The following KCNMB2 variants were observed in gnomAD, a reference collection of about 807,000 sequenced individuals.
KCNMB2 encodes the protein potassium calcium-activated channel subfamily M regulatory beta subunit 2.
Under a neutral mutation model 24.5 loss-of-function variants are expected in KCNMB2, and 9 were observed. That is an observed-to-expected ratio of 0.37 (90% CI 0.22 to 0.64). The LOEUF is 0.64. Among genes scored for constraint, KCNMB2 ranks in the 30% least tolerant of loss-of-function variants. The pLI is 0.63. For synonymous variants in KCNMB2, 109 were observed against 104.4 expected, an observed-to-expected ratio of 1.04 and a Z score of -0.27; for missense variants, 226 against 284.3, an observed-to-expected ratio of 0.79 and a Z score of 1.47.
chr3:178,573,509 G>T lies in KCNMB2; in HGVS notation c.-68+36798G>T, dbSNP rs147715291. Among the ~76,000 whole-genome samples, 1,450 of 151,690 alleles carry T rather than the reference G, an allele frequency of 9.6e-3. 15 individuals carry two copies. Among genetic ancestry groups the T allele is most frequent in the African/African-American group, 0.033 (1,382 of 41,332 alleles). On this transcript the variant is annotated intron_variant, in intron 1 of 4. Coordinates refer to ENST00000452583, the MANE Select transcript of KCNMB2 (RefSeq NM_181361.3). ...AATCCCAGCAATTTGAGAAACCAAG[G>T]CAGGAGGATTGCTTGAGCTCAGGAG...
chr3:178,639,709 G>A (rs111340871), intron 1 of KCNMB2, among the ~76,000 whole-genome samples: 1 of 152,130 alleles, frequency 6.6e-6, no homozygotes, highest in South Asian at 2.1e-4. Context: ...TCCACTCTCT[G>A]TGAGTTATCA....
At chr3:178,691,897 A>G (rs1364845105) in intron 1 of KCNMB2, among the ~76,000 whole-genome samples, 1 of 151,890 alleles carries the variant, frequency 6.6e-6, no homozygotes, top group Non-Finnish European at 1.5e-5. Flanking sequence ...ATTTTTTTTC[A>G]CAACCTCACC....
At chr3:178,539,734 T>C (rs1715550766) in intron 1 of KCNMB2, among the ~76,000 whole-genome samples, 1 of 152,026 alleles carries the variant, frequency 6.6e-6, no homozygotes, top group South Asian at 2.1e-4. Flanking sequence ...AGAGAGTGTG[T>C]GTGTGCGTGT....
intron 1 of KCNMB2, among the ~76,000 whole-genome samples, chr3:178,598,140 A>G (rs1348532365): frequency 6.6e-6 from 1 of 152,076 alleles, no homozygotes; most frequent in African/African-American, 2.4e-5. Context: ...TCAGTCAGGT[A>G]CCTGACCATT....
intron 1 of KCNMB2, among the ~76,000 whole-genome samples, chr3:178,688,451 G>T (rs1356779701): frequency 6.6e-6 from 1 of 152,160 alleles, no homozygotes; most frequent in African/African-American, 2.4e-5. Context: ...GTATAATGAT[G>T]AATTTATAAT....
At chr3:178,758,125 TGTACACACAAGAGG>T (rs1724246303) in intron 1 of KCNMB2, among the ~76,000 whole-genome samples, 1 of 71,862 alleles carries the variant, frequency 1.4e-5, no homozygotes, top group East Asian at 4.5e-4. Context: ...GATATATATA[TGTACACACAAGAGG>T]ATATATATAT....
intron 1 of KCNMB2, among the ~76,000 whole-genome samples, chr3:178,769,787 G>T (rs893825876): frequency 6.6e-6 from 1 of 152,176 alleles, no homozygotes; most frequent in Non-Finnish European, 1.5e-5. Context: ...TACAATGATG[G>T]TCTAGTGTTA....
At chr3:178,800,846 TA>T (rs1231605241) in intron 1 of KCNMB2, among the ~76,000 whole-genome samples, 2 of 152,040 alleles carry the variant, frequency 1.3e-5, no homozygotes, top group African/African-American at 2.4e-5. Context: ...TATTCAGCCA[TA>T]AAAAAATAGA....
intron 1 of KCNMB2, among the ~76,000 whole-genome samples, chr3:178,616,244 G>A (rs780405043): frequency 1.3e-5 from 2 of 152,206 alleles, no homozygotes; most frequent in Non-Finnish European, 2.9e-5. Flanking sequence ...TAGGACTCAC[G>A]TAAGAGTTGC....
chr3:178,759,661 GGGATATATATATATATATCCAAGA>G lies in KCNMB2; in HGVS notation c.-67-47670_-67-47647del, dbSNP rs1560009418. ...GATATATATATATATATCTCCAAGA[GGGATATATATATATATATCCAAGA>G]GGATATATATACACATATATATATC... On this transcript the variant is annotated intron_variant, in intron 1 of 4. Coordinates refer to ENST00000452583, the MANE Select transcript of KCNMB2 (RefSeq NM_181361.3). Among the ~76,000 whole-genome samples the G allele has an allele frequency of 3.7e-4, 30 of 81,374 alleles. 2 individuals carry two copies. The highest frequency in any genetic ancestry group is 1.4e-3 in the East Asian group (4 of 2,792). The allele number at this position is 81,374 out of a possible 152,430, so 53.4% of individuals were successfully genotyped here.
At chr3:178,691,457 C>G (rs1201976808) in intron 1 of KCNMB2, among the ~76,000 whole-genome samples, 1 of 151,910 alleles carries the variant, frequency 6.6e-6, no homozygotes, top group Admixed American at 6.6e-5. Context: ...CATCTCTGTG[C>G]CCATATGTTC....
intron 1 of KCNMB2, among the ~76,000 whole-genome samples, chr3:178,572,616 A>C (rs143256570): frequency 5.7e-4 from 87 of 152,320 alleles, no homozygotes; most frequent in African/African-American, 1.8e-3. Flanking sequence ...TTGTTGATTT[A>C]CTTCTCCCCA....
At chr3:178,718,053 A>G (rs945405246) in intron 1 of KCNMB2, among the ~76,000 whole-genome samples, 1 of 152,196 alleles carries the variant, frequency 6.6e-6, no homozygotes, top group African/African-American at 2.4e-5. Flanking sequence ...TTTTGTAAAT[A>G]GAGTTTACTT....
intron 1 of KCNMB2, among the ~76,000 whole-genome samples, chr3:178,698,851 C>T (rs553024852): frequency 1.3e-5 from 2 of 152,338 alleles, no homozygotes; most frequent in South Asian, 4.1e-4. Flanking sequence ...ATTCAGCTGA[C>T]TGACTTTGTC....
At chr3:178,579,441 A>G (rs1211559362) in intron 1 of KCNMB2, among the ~76,000 whole-genome samples, 2 of 152,212 alleles carry the variant, frequency 1.3e-5, no homozygotes, top group African/African-American at 4.8e-5. Flanking sequence ...TCAAGACCCT[A>G]AAATGACAAT....
chr3:178,584,613 A>G (rs1392608884), intron 1 of KCNMB2, among the ~76,000 whole-genome samples: 1 of 152,140 alleles, frequency 6.6e-6, no homozygotes, highest in Non-Finnish European at 1.5e-5. Flanking sequence ...ACTGTTAGTG[A>G]CCCAAGTAAA....
At chr3:178,720,197 T>C (rs1722751777) in intron 1 of KCNMB2, among the ~76,000 whole-genome samples, 1 of 152,074 alleles carries the variant, frequency 6.6e-6, no homozygotes, top group Non-Finnish European at 1.5e-5. Flanking sequence ...GTTCTCATTG[T>C]TCAATTCCCA....
At chr3:178,796,412 G>T (rs755382821) in intron 1 of KCNMB2, among the ~76,000 whole-genome samples, 6 of 152,084 alleles carry the variant, frequency 3.9e-5, no homozygotes, top group Admixed American at 1.3e-4. Flanking sequence ...TGACCTAATA[G>T]ATATTTACAG....
rs1026266468 is a variant in KCNMB2 at position 178,842,576 on chromosome 3, A to T, written c.424-77A>T. ...GTTATTTCACAGATCACTAATTTGG[A>T]CACAATACTCCACCCCCTCCTAGAG... On this transcript the variant is annotated intron_variant, in intron 4 of 4. Transcript: ENST00000452583. 4 of 953,978 alleles carry T rather than the reference A, an allele frequency of 4.2e-6. No individual in the cohort carries two copies. The African/African-American group carries it at 4.9e-5, about 12-fold the overall frequency. The allele number at this position is 953,978 out of a possible 1,614,324, so 59.1% of individuals were successfully genotyped here.
Sources: allele counts gnomAD v4.1 joint callset (sites outside exome capture counted in the v4.1 genomes callset), GRCh38; gene constraint gnomAD v4.1.1; transcripts MANE v1.5; gene names NCBI Gene and HGNC (gene_info 2026-07-23, HGNC 2026-07-21).